The following HBP1 variants were observed in gnomAD, a reference collection of about 807,000 sequenced individuals.
HBP1 encodes HMG-box transcription factor 1.
Under a neutral mutation model 62.6 loss-of-function variants are expected in HBP1, and 20 were observed. That is an observed-to-expected ratio of 0.32 (90% CI 0.22 to 0.46). The LOEUF (loss-of-function observed/expected upper bound fraction) is 0.46. Among genes scored for constraint, HBP1 ranks in the 20% least tolerant of loss-of-function variants. The pLI is 1.00. For missense variants in HBP1, 480 were observed against 611.8 expected, an observed-to-expected ratio of 0.78 and a Z score of 2.27; for synonymous variants, 232 against 206.2, an observed-to-expected ratio of 1.12 and a Z score of -1.07.
chr7:107,181,912 G>A (rs1396237809), intron 2 of HBP1, among the ~76,000 whole-genome samples: 2 of 151,898 alleles, frequency 1.3e-5, no homozygotes, highest in Non-Finnish European at 2.9e-5. Flanking sequence ...AAAAATAACC[G>A]ATAAATAACC....
chr7:107,178,862 G>C (rs887734691), intron 1 of HBP1, among the ~76,000 whole-genome samples: 1 of 152,068 alleles, frequency 6.6e-6, no homozygotes, highest in African/African-American at 2.4e-5. Context: ...GTGAAACCCT[G>C]TCTTTACTAA....
intron 1 of HBP1, 97 bp from the exon 2 acceptor site, chr7:107,179,782 C>A (rs1024700231): frequency 4.0e-5 from 29 of 721,162 alleles, no homozygotes; most frequent in Non-Finnish European, 6.0e-5. Flanking sequence ...AAAAAAAAAA[C>A]AAAACAACAT....
Position 107,169,027 on chromosome 7 carries a change from G to C in HBP1, c.-174G>C, listed in dbSNP as rs1280745447. 14 of 1,288,984 alleles carry C rather than the reference G, an allele frequency of 1.1e-5. No homozygotes were observed. The highest frequency in any genetic ancestry group is 1.3e-5 in the Non-Finnish European group (13 of 988,586). 79.8% of individuals were successfully genotyped at this position (1,288,984 alleles called of 1,614,324 possible). On this transcript the variant is annotated 5_prime_UTR_variant, in exon 1 of 11. Coordinates refer to ENST00000222574, the MANE Select transcript of HBP1 (RefSeq NM_012257.4). ...AAGACTTGGTAATGGCGACGGGTTT[G>C]GTAAGTAGGAAAGTTTCGGTTGAGG...
intron 1 of HBP1, among the ~76,000 whole-genome samples, chr7:107,177,443 A>C (rs1003688398): frequency 6.6e-6 from 1 of 152,274 alleles, no homozygotes; most frequent in Non-Finnish European, 1.5e-5. Flanking sequence ...AATATTAGAC[A>C]TACAGTAAGG....
chr7:107,173,284 G>A (rs189182857), intron 1 of HBP1, among the ~76,000 whole-genome samples: 2 of 152,276 alleles, frequency 1.3e-5, no homozygotes, highest in South Asian at 2.1e-4. Context: ...CAATTTGAGC[G>A]TGTAGTCTGG....
intron 8 of HBP1, among the ~76,000 whole-genome samples, chr7:107,190,945 C>T (rs1334251574): frequency 3.9e-5 from 6 of 152,158 alleles, no homozygotes; most frequent in Non-Finnish European, 5.9e-5. Flanking sequence ...CTGGTTTTTG[C>T]ACTGAAAGTC....
chr7:107,196,003 T>C lies in HBP1; in HGVS notation c.1237T>C (p.Leu413=), dbSNP rs766019013. ...ATCATCACAGCTCTCTTCCAATTCT[T>C]TGTATGCTAAAGCTGTCAAAAACCA... is the stretch of plus-strand genomic sequence containing the variant. ...PGSSQLSSNS[L]YAKAVKNHSS... The change falls in exon 9 of 11, where the codon TTG becomes CTG. Residue 413 remains leucine (L), a synonymous_variant. Coordinates refer to ENST00000222574, the MANE Select transcript of HBP1 (RefSeq NM_012257.4). 7 of 1,614,096 alleles carry C rather than the reference T, an allele frequency of 4.3e-6. No homozygotes were observed. In the South Asian group the frequency reaches 7.7e-5, roughly 18 times the overall value.
At position 107,189,441 on chromosome 7, in the gene HBP1, A is replaced by T; in HGVS notation, c.915A>T (p.Lys305Asn). The change falls in exon 7 of 11, where the codon AAA becomes AAT. Residue 305 changes from lysine to asparagine, a missense_variant. Around this residue, in one of 4 missense-constraint regions of HBP1, gnomAD observed 58 missense variants for 128.5 expected, o/e 0.45. Coordinates refer to ENST00000222574, the MANE Select transcript of HBP1 (RefSeq NM_012257.4). ...AGCTGGACCACCCTTTCTATGTTAA[A>T]AATAAAGGTAGGGCTTGAATTGCAT... is the stretch of plus-strand genomic sequence containing the variant. ...ECKLDHPFYV[K>N]NKGWSSFYPS... 6.2e-7 allele frequency: 1 copy of T among 1,604,626 alleles called. No homozygotes were observed. Among genetic ancestry groups the T allele is most frequent in the Non-Finnish European group, 8.5e-7 (1 of 1,175,728 alleles).
chr7:107,184,746 G>A (rs1304254615), intron 3 of HBP1, among the ~76,000 whole-genome samples: 1 of 152,238 alleles, frequency 6.6e-6, no homozygotes, highest in Non-Finnish European at 1.5e-5. Context: ...TCCTGACCTC[G>A]TGATCCGCTT....
chr7:107,194,595 C>T (rs942997693), intron 8 of HBP1, among the ~76,000 whole-genome samples: 4 of 152,118 alleles, frequency 2.6e-5, no homozygotes, highest in African/African-American at 4.8e-5. Context: ...TGGCATGGAC[C>T]GCCCTCATTC....
intron 1 of HBP1, among the ~76,000 whole-genome samples, chr7:107,175,619 G>A (rs150101004): frequency 9.7e-4 from 148 of 152,132 alleles, no homozygotes; most frequent in Admixed American, 8.4e-3. Flanking sequence ...CCTACTTTGT[G>A]GTAAAACTAG....
chr7:107,200,300 C>T lies in HBP1; in HGVS notation c.1526C>T (p.Ser509Leu), dbSNP rs1246491044. ...TGTTGGAAGAGGAAAAGAACCAATT[C>T]AGTATGTTTCAATAAATAGTGTTTA... ...PDCWKRKRTN[S>L]GSQQH is the part of the protein sequence containing the mutation. The change falls in exon 10 of 11, where the codon TCA becomes TTA. Residue 509 changes from serine (S) to leucine (L), a missense_variant and splice_region_variant. Around this residue, in one of 4 missense-constraint regions of HBP1, gnomAD observed 52 missense variants for 96.0 expected, o/e 0.54. Transcript: ENST00000222574. 1 of 1,609,748 alleles carries T rather than the reference C, an allele frequency of 6.2e-7. No individual in the cohort carries two copies. The highest frequency in any genetic ancestry group is 8.5e-7 in the Non-Finnish European group (1 of 1,177,910).
intron 8 of HBP1, 25 bp downstream of exon 8, chr7:107,190,342 T>G (rs533338173): frequency 6.5e-7 from 1 of 1,545,360 alleles, no homozygotes; most frequent in Admixed American, 1.8e-5. Context: ...ATTCTTTGTT[T>G]TATTTTCCTC....
intron 1 of HBP1, among the ~76,000 whole-genome samples, chr7:107,179,305 A>G (rs1797000173): frequency 6.6e-6 from 1 of 152,202 alleles, no homozygotes; most frequent in African/African-American, 2.4e-5. Flanking sequence ...AGTATATACA[A>G]TGCCATTTTT....
chr7:107,169,254 G>C, intron 1 of HBP1, 69 bp downstream of exon 1: 2 of 856,836 alleles, frequency 2.3e-6, no homozygotes, highest in Non-Finnish European at 3.0e-6. Flanking sequence ...GGGGGATTGG[G>C]CAGACTGGAG....
chr7:107,173,685 A>G (rs1285023039), intron 1 of HBP1: 2 of 152,308 alleles, frequency 1.3e-5, no homozygotes, highest in Non-Finnish European at 2.9e-5. Flanking sequence ...TTTTGTGGAT[A>G]TTTGCTTCTG....
chr7:107,187,583 C>T (rs556540756), intron 6 of HBP1, among the ~76,000 whole-genome samples: 4 of 152,288 alleles, frequency 2.6e-5, no homozygotes, highest in Admixed American at 2.6e-4. Context: ...TATTAAGTCT[C>T]TTGAGAAAAA....
chr7:107,200,392 G>T, intron 10 of HBP1, 91 bp downstream of exon 10: 2 of 1,012,856 alleles, frequency 2.0e-6, no homozygotes, highest in Middle Eastern at 2.2e-4. Context: ...CCTTTAAGAG[G>T]TTGTGTTGAT....
chr7:107,184,454 G>A (rs1426652193), intron 3 of HBP1, among the ~76,000 whole-genome samples: 1 of 152,128 alleles, frequency 6.6e-6, no homozygotes, highest in East Asian at 1.9e-4. Context: ...AAATTGAAGG[G>A]CTAATACAAA....
Sources: gnomAD v4.1 joint callset for allele counts (sites outside exome capture counted in the v4.1 genomes callset) on GRCh38, gnomAD v4.1.1 for gene constraint, gnomAD v4.1.1 regional missense constraint, MANE v1.5 for transcripts, NCBI Gene and HGNC (gene_info 2026-07-23, HGNC 2026-07-21) for gene names.